Variants in PDHX observed in about 807,000 individuals in gnomAD.
PDHX encodes the protein pyruvate dehydrogenase complex component X.
In PDHX, 33 loss-of-function variants were observed where a neutral mutation model predicts 55.3. The ratio of observed to expected loss-of-function variants is 0.60; its 90% confidence interval spans 0.45 to 0.80. The LOEUF is 0.80. Ranked by LOEUF, PDHX falls within the 30% of genes least tolerant of loss-of-function variation. The pLI is 0.00. For missense variants in PDHX, 622 were observed against 619.9 expected, an observed-to-expected ratio of 1.00 and a Z score of -0.04; for synonymous variants, 226 against 219.4, an observed-to-expected ratio of 1.03 and a Z score of -0.27.
rs570896430 is a variant in PDHX, at chr11:34,985,309, C to T, written c.1182+581C>T. ...TACGAAAATTAGCTGAGTGTGGTGG[C>T]GCGTGCCTGTAATTCCAGCTACTCG... On this transcript the variant is annotated intron_variant, in intron 9 of 10. Coordinates refer to ENST00000227868, the MANE Select transcript of PDHX (RefSeq NM_003477.3). Among the ~76,000 whole-genome samples, 190 of 152,100 alleles carry T rather than the reference C, an allele frequency of 1.2e-3. No individual in the cohort carries two copies. The Middle Eastern group carries it at 0.014, about 11-fold the overall frequency.
rs1347149992 is a variant in PDHX at position 34,950,674 on chromosome 11, T to C, written c.342+3068T>C. 3.6e-3 allele frequency among the ~76,000 whole-genome samples: 550 copies of C among 151,608 alleles called. 2 individuals are homozygous for C. Among genetic ancestry groups the C allele is most frequent in the Admixed American group, 9.1e-3 (138 of 15,218 alleles). ...GTTTACTGAGAATGATGATTTCCAG[T>C]TTCATCCATGTCCCTACAAAGGACA... On this transcript the variant is annotated intron_variant, in intron 3 of 10. Coordinates refer to ENST00000227868, the MANE Select transcript of PDHX (RefSeq NM_003477.3).
At chr11:34,929,042 T>C (rs1287591936) in intron 1 of PDHX, among the ~76,000 whole-genome samples, 2 of 152,212 alleles carry the variant, frequency 1.3e-5, no homozygotes, top group African/African-American at 4.8e-5. Context: ...TCAGCTACAG[T>C]TATTGAGAGT....
intron 8 of PDHX, among the ~76,000 whole-genome samples, chr11:34,978,624 CAG>C (rs1213863961): frequency 6.6e-6 from 1 of 152,050 alleles, no homozygotes; most frequent in East Asian, 1.9e-4. Context: ...CCTGAGAAAA[CAG>C]AGGGAGTGAG....
intron 5 of PDHX, among the ~76,000 whole-genome samples, chr11:34,965,220 G>A (rs549507178): frequency 3.9e-4 from 60 of 152,314 alleles, no homozygotes; most frequent in African/African-American, 1.4e-3. Context: ...AAGCTCATGT[G>A]GTTGTTGACA....
chr11:34,986,765 A>G (rs1564933259), intron 9 of PDHX, among the ~76,000 whole-genome samples: 2 of 152,194 alleles, frequency 1.3e-5, no homozygotes, highest in African/African-American at 4.8e-5. Context: ...AAGGGCAGTC[A>G]TACCACTTTG....
intron 4 of PDHX, among the ~76,000 whole-genome samples, chr11:34,958,439 T>TA (rs1332584861): frequency 6.6e-6 from 1 of 152,092 alleles, no homozygotes; most frequent in Non-Finnish European, 1.5e-5. Flanking sequence ...TAGCTGGAAT[T>TA]ACAGGCATGT....
intron 1 of PDHX, among the ~76,000 whole-genome samples, chr11:34,919,306 C>CT (rs1244375577): frequency 1.7e-4 from 26 of 152,074 alleles, no homozygotes; most frequent in Non-Finnish European, 3.4e-4. Context: ...TGTTTTTTCT[C>CT]TGAGCTTGGT....
upstream of PDHX, chr11:34,916,500 G>A: frequency 6.8e-7 from 1 of 1,461,032 alleles, no homozygotes; most frequent in Non-Finnish European, 9.0e-7. Flanking sequence ...AGGCCAACGT[G>A]GTTGGAGGCG....
At chr11:34,919,331 T>C in intron 1 of PDHX, among the ~76,000 whole-genome samples, 1 of 152,212 alleles carries the variant, frequency 6.6e-6, no homozygotes, top group East Asian at 1.9e-4. Flanking sequence ...ACTGTAGTTT[T>C]ATAAAACTAA....
chr11:34,989,326 G>T (rs2134003271), intron 9 of PDHX, among the ~76,000 whole-genome samples: 1 of 152,262 alleles, frequency 6.6e-6, no homozygotes, highest in African/African-American at 2.4e-5. Flanking sequence ...ACCTACTGTG[G>T]GTCTTTGAAG....
At chr11:34,949,574 T>C (rs192570211) in intron 3 of PDHX, among the ~76,000 whole-genome samples, 1 of 151,930 alleles carries the variant, frequency 6.6e-6, no homozygotes, top group East Asian at 1.9e-4. Context: ...ACTTCAGTTA[T>C]TATACATTTA....
intron 1 of PDHX, among the ~76,000 whole-genome samples, chr11:34,917,215 G>A (rs1026065221): frequency 2.6e-5 from 4 of 152,144 alleles, no homozygotes; most frequent in Non-Finnish European, 5.9e-5. Flanking sequence ...CCACTGTTGG[G>A]AGTTCTTACT....
At chr11:34,934,608 C>T (rs1179359143) in intron 2 of PDHX, among the ~76,000 whole-genome samples, 1 of 117,570 alleles carries the variant, frequency 8.5e-6, no homozygotes, top group Non-Finnish European at 1.7e-5. Context: ...GACATGGTCT[C>T]ACTCTGTTGC....
intron 2 of PDHX, among the ~76,000 whole-genome samples, chr11:34,941,400 T>A (rs1344448427): frequency 6.6e-6 from 1 of 152,218 alleles, no homozygotes; most frequent in Non-Finnish European, 1.5e-5. Flanking sequence ...ATTTTATTAC[T>A]ATTTTTATCA....
intron 5 of PDHX, among the ~76,000 whole-genome samples, chr11:34,962,311 T>C (rs1565161794): frequency 6.6e-6 from 1 of 152,202 alleles, no homozygotes; most frequent in African/African-American, 2.4e-5. Flanking sequence ...AGATCCCTGA[T>C]ACAGACAACA....
In PDHX at chr11:34,969,186, TG is replaced by T. The variant is rs768695595; in HGVS notation, c.817-952del. 6.3e-3 allele frequency among the ~76,000 whole-genome samples: 956 copies of T among 152,266 alleles called. 5 individuals are homozygous for T. The highest frequency in any genetic ancestry group is 9.2e-3 in the Non-Finnish European group (625 of 68,004). ...AGGCTATGCTAAGGCTTACCTGTGA[TG>T]TTCAGTATGTTAGGTGTATTAAATG... On this transcript the variant is annotated intron_variant, in intron 6 of 10. Coordinates refer to ENST00000227868, the MANE Select transcript of PDHX (RefSeq NM_003477.3).
intron 6 of PDHX, 138 bp downstream of exon 6, chr11:34,966,952 A>C: frequency 2.7e-6 from 2 of 738,032 alleles, no homozygotes; most frequent in South Asian, 3.2e-5. Flanking sequence ...CCCAAGTTCA[A>C]GTGATTCTCC....
In PDHX at chr11:34,931,428, C is replaced by G; in HGVS notation, c.185C>G (p.Pro62Arg). Residue 62 changes from proline (P) to arginine (R), a missense_variant, in exon 2 of 11, where the codon CCA becomes CGA. Pro to Arg is a moderately radical substitution (Grantham distance 103). Transcript: ENST00000227868. ...GGTGATCCCATTAAGATACTAATGC[C>G]ATCACTGTCTCCTACAATGGAAGAA... is the stretch of plus-strand genomic sequence containing the variant. ...LRGDPIKILMPSLSPTMEEGN... is the reference protein window; with the variant it reads ...LRGDPIKILMRSLSPTMEEGN... 1 of 1,603,832 alleles carries G rather than the reference C, an allele frequency of 6.2e-7. No homozygotes were observed.
intron 4 of PDHX, among the ~76,000 whole-genome samples, chr11:34,958,333 T>G (rs1268214194): frequency 6.6e-6 from 1 of 152,018 alleles, no homozygotes; most frequent in East Asian, 1.9e-4. Context: ...GGAGTTTTGA[T>G]CTCATTGTCC....
Sources: gnomAD v4.1 joint callset for allele counts (sites outside exome capture counted in the v4.1 genomes callset) on GRCh38, gnomAD v4.1.1 for gene constraint, MANE v1.5 for transcripts, NCBI Gene and HGNC (gene_info 2026-07-23, HGNC 2026-07-21) for gene names.